NEK10: variants seen among roughly 807,000 people sequenced by gnomAD.
The protein encoded by NEK10 is serine/threonine-protein kinase Nek10.
NEK10 carries 122 observed loss-of-function variants against 159.8 expected under a neutral mutation model. The ratio of observed to expected loss-of-function variants is 0.76; its 90% CI spans 0.66 to 0.89. The LOEUF (loss-of-function observed/expected upper bound fraction) is 0.89, where lower values mean the gene tolerates loss of function less well. Ranked by LOEUF, NEK10 falls within the 40% of genes least tolerant of loss-of-function variation. The pLI is 0.00. For missense variants in NEK10, 1,342 were observed against 1,323.1 expected (o/e 1.01, Z -0.22); for synonymous variants, 466 against 457.1 (o/e 1.02, Z -0.25).
chr3:27,219,815 G>T (rs916162434), intron 23 of NEK10, among the ~76,000 whole-genome samples: 3 of 152,120 alleles, frequency 2.0e-5, no homozygotes, highest in East Asian at 1.9e-4. Context: ...ATGATATTTT[G>T]TGTAGAAAAT....
chr3:27,269,161 C>T (rs2041136283), intron 22 of NEK10, among the ~76,000 whole-genome samples: 1 of 152,114 alleles, frequency 6.6e-6, no homozygotes, highest in South Asian at 2.1e-4. Flanking sequence ...GGAATGGAAT[C>T]CACTCCTGGG....
intron 30 of NEK10, among the ~76,000 whole-genome samples, chr3:27,147,057 C>CA: frequency 6.6e-6 from 1 of 152,288 alleles, no homozygotes; most frequent in South Asian, 2.1e-4. Context: ...CAGTTGAAGT[C>CA]AGAGGCCTGG....
chr3:27,333,356 G>A (rs914301199), intron 5 of NEK10, among the ~76,000 whole-genome samples: 1 of 151,854 alleles, frequency 6.6e-6, no homozygotes, highest in African/African-American at 2.4e-5. Flanking sequence ...GACCAGCCTG[G>A]CCAACATGGT....
chr3:27,192,103 G>C lies in NEK10; in HGVS notation c.2431C>G (p.Arg811Gly), dbSNP rs774551711. The C allele has an allele frequency of 6.2e-7, 1 of 1,614,208 alleles. No homozygotes were observed. Among genetic ancestry groups the C allele is most frequent in the Admixed American group, 1.7e-5 (1 of 60,032 alleles). The change falls in exon 26 of 36, where the codon CGC (arginine) becomes GGC (glycine). Residue 811 changes from arginine to glycine, a missense_variant. Physicochemically the swap from Arg to Gly is moderately radical, Grantham distance 125 (BLOSUM62 -2). Transcript: ENST00000691995. ...GCTTCCATAAAATACCTTTGTGTGC[G>C]TCTTCGTTCCCGTTCTAGCTTCTTT... ...LEKKLERERR[R>G]TQRYFMEANR...
At chr3:27,254,229 T>G (rs1955948816) in intron 23 of NEK10, among the ~76,000 whole-genome samples, 1 of 152,194 alleles carries the variant, frequency 6.6e-6, no homozygotes, top group South Asian at 2.1e-4. Context: ...TTAGTGTCAG[T>G]GTATTTTGTG....
At chr3:27,241,198 GA>G (rs527380749) in intron 23 of NEK10, among the ~76,000 whole-genome samples, 1 of 152,066 alleles carries the variant, frequency 6.6e-6, no homozygotes, top group Admixed American at 6.5e-5. Flanking sequence ...AGCATGGGGG[GA>G]AAAATAAGAT....
intron 1 of NEK10, among the ~76,000 whole-genome samples, chr3:27,366,278 T>G (rs1352664017): frequency 6.6e-6 from 1 of 152,154 alleles, no homozygotes; most frequent in Non-Finnish European, 1.5e-5. Context: ...GAGCTAGGAT[T>G]ACAACCCAAG....
Position 27,234,599 on chromosome 3 carries a change from C to G in NEK10, c.2090+21697G>C, listed in dbSNP as rs142270521. Among the ~76,000 whole-genome samples, 438 of 152,142 alleles carry G rather than the reference C, an allele frequency of 2.9e-3. 2 individuals are homozygous for G. The highest frequency in any genetic ancestry group is 0.01 in the African/African-American group (427 of 41,530). ...ATAAGGAGAACTACAAACCACTGCT[C>G]AAAGAAATCAGAAAGGACACAAACA... is the stretch of plus-strand genomic sequence containing the variant. On this transcript the variant is annotated intron_variant, in intron 23 of 35. Transcript: ENST00000691995.
intron 11 of NEK10, among the ~76,000 whole-genome samples, chr3:27,305,823 T>G (rs1035968392): frequency 6.6e-6 from 1 of 152,136 alleles, no homozygotes; most frequent in African/African-American, 2.4e-5. Context: ...CATGAAATAT[T>G]ATGATGATAA....
At chr3:27,228,216 G>A (rs1409352151) in intron 23 of NEK10, among the ~76,000 whole-genome samples, 2 of 152,102 alleles carry the variant, frequency 1.3e-5, no homozygotes, top group African/African-American at 2.4e-5. Flanking sequence ...CAATTTACTA[G>A]CTATGTGATT....
rs142617831 is a variant in NEK10, at chr3:27,308,446, G to T, written c.716+480C>A. ...TGGGAGAAGAGATCAAAAAACAAAA[G>T]GAATCATATGTTATTCACAGAAAAG... On this transcript the variant is annotated intron_variant, in intron 10 of 35. Transcript: ENST00000691995. Among the ~76,000 whole-genome samples, 1,500 of 152,154 alleles carry T rather than the reference G, an allele frequency of 9.9e-3. 30 individuals are homozygous for T. The highest frequency in any genetic ancestry group is 0.034 in the African/African-American group (1,424 of 41,514).
chr3:27,205,883 C>A (rs1245092802), intron 23 of NEK10, among the ~76,000 whole-genome samples: 1 of 149,322 alleles, frequency 6.7e-6, no homozygotes, highest in Non-Finnish European at 1.5e-5. Flanking sequence ...TAAAGAGCTT[C>A]TGCACAGCAA....
chr3:27,122,778 C>CA (rs978354123), intron 32 of NEK10, among the ~76,000 whole-genome samples: 2 of 151,788 alleles, frequency 1.3e-5, no homozygotes, highest in African/African-American at 4.8e-5. Flanking sequence ...TTTAAAGCCT[C>CA]AAAAAAAATT....
At chr3:27,154,603 T>A (rs1286176831) in intron 30 of NEK10, among the ~76,000 whole-genome samples, 1 of 152,106 alleles carries the variant, frequency 6.6e-6, no homozygotes, top group African/African-American at 2.4e-5. Context: ...TCCACGATAA[T>A]CAAGTGGATT....
chr3:27,211,341 A>G (rs1030045568), intron 23 of NEK10, among the ~76,000 whole-genome samples: 3 of 152,210 alleles, frequency 2.0e-5, no homozygotes, highest in Non-Finnish European at 4.4e-5. Context: ...AGGGACTGTG[A>G]CAATAAGTGA....
intron 23 of NEK10, among the ~76,000 whole-genome samples, chr3:27,236,614 T>C (rs1343655778): frequency 1.3e-5 from 2 of 152,110 alleles, no homozygotes; most frequent in African/African-American, 2.4e-5. Flanking sequence ...TATCGGTAAG[T>C]CCGTGATGTC....
At chr3:27,323,542 T>C (rs1055424875) in intron 5 of NEK10, among the ~76,000 whole-genome samples, 1 of 152,098 alleles carries the variant, frequency 6.6e-6, no homozygotes, top group African/African-American at 2.4e-5. Flanking sequence ...TCACAGTCAC[T>C]GGAGAAGTCA....
At chr3:27,220,259 G>T (rs924739969) in intron 23 of NEK10, among the ~76,000 whole-genome samples, 5 of 152,150 alleles carry the variant, frequency 3.3e-5, no homozygotes, top group African/African-American at 1.2e-4. Context: ...CAAGGTTTTG[G>T]TAGGGCTGCA....
intron 22 of NEK10, among the ~76,000 whole-genome samples, chr3:27,282,784 A>G (rs1307618984): frequency 6.7e-6 from 1 of 150,208 alleles, no homozygotes; most frequent in East Asian, 1.9e-4. Context: ...ATTAAAACAC[A>G]CAATTTATAA....
Sources: gnomAD v4.1 joint callset for allele counts (sites outside exome capture counted in the v4.1 genomes callset) on GRCh38, gnomAD v4.1.1 for gene constraint, MANE v1.5 for transcripts, NCBI Gene and HGNC (gene_info 2026-07-23, HGNC 2026-07-21) for gene names.